The following ANO1 variants were observed in gnomAD, a reference collection of about 807,000 sequenced individuals.
ANO1 encodes the protein anoctamin 1.
In ANO1, 59 loss-of-function variants were observed where a neutral mutation model predicts 124.0. The observed-to-expected ratio is 0.48, with a 90% CI of 0.39 to 0.59. The LOEUF (loss-of-function observed/expected upper bound fraction) is 0.59. ANO1 is among the 20% of genes least tolerant of loss of function. The pLI is 0.00. For synonymous variants in ANO1, 529 were observed against 532.0 expected, an observed-to-expected ratio of 0.99 and a Z score of 0.08; for missense variants, 1,059 against 1,328.0, an observed-to-expected ratio of 0.80 and a Z score of 3.15.
At chr11:69,980,385 A>G in the ANO1 span, among the ~76,000 whole-genome samples, 2 of 152,118 alleles carry the variant, frequency 1.3e-5, no homozygotes, top group African/African-American at 4.8e-5. Flanking sequence ...GCACTTTGGG[A>G]GGTCAAGGCG....
chr11:70,121,369 GTC>G (rs1157524699), intron 8 of ANO1, among the ~76,000 whole-genome samples: 1 of 119,748 alleles, frequency 8.4e-6, no homozygotes, highest in Non-Finnish European at 1.8e-5. Flanking sequence ...CTGTCTCTCT[GTC>G]TCTGTCTCTC....
intron 7 of ANO1, among the ~76,000 whole-genome samples, chr11:70,112,127 T>C (rs1296969958): frequency 6.6e-6 from 1 of 152,190 alleles, no homozygotes; most frequent in African/African-American, 2.4e-5. Flanking sequence ...TGTACGTGTC[T>C]ATTTCTGCAG....
At chr11:69,977,629 C>A in the ANO1 span, among the ~76,000 whole-genome samples, 3 of 152,242 alleles carry the variant, frequency 2.0e-5, no homozygotes, top group African/African-American at 7.2e-5. Context: ...AGATCCAATG[C>A]GTCCTAAGGG....
chr11:70,103,951 T>TG, intron 3 of ANO1, 48 bp from the exon 4 acceptor site: 1 of 1,584,650 alleles, frequency 6.3e-7, no homozygotes, highest in Non-Finnish European at 8.6e-7. Flanking sequence ...CCACGGATCA[T>TG]GGTCCAGCAG....
At chr11:69,987,604 C>CAAAA (rs202001305) in intron 1 of ANO1, among the ~76,000 whole-genome samples, 8 of 109,716 alleles carry the variant, frequency 7.3e-5, no homozygotes, top group African/African-American at 2.6e-4. Flanking sequence ...GACCATGTCT[C>CAAAA]AAAAAAAAAA....
At chr11:70,085,631 G>A (rs2044343500) in intron 1 of ANO1, 2 of 1,533,352 alleles carry the variant, frequency 1.3e-6, no homozygotes, top group South Asian at 1.2e-5. Flanking sequence ...CTAACCAGGG[G>A]TAGAGGAGTC....
Position 70,188,420 on chromosome 11 carries a change from A to G in ANO1, c.*416A>G, listed in dbSNP as rs573473304. ...AATGGTAAGCCGAGGCATCGCGCAA[A>G]AGCTGGTGCGATGCTTCAGGGAAAA... On this transcript the variant is annotated 3_prime_UTR_variant, in exon 26 of 26. Coordinates refer to ENST00000355303, the MANE Select transcript of ANO1 (RefSeq NM_018043.7). The G allele has an allele frequency of 6.1e-6, 1 of 165,180 alleles. No individual in the cohort carries two copies. The highest frequency in any genetic ancestry group is 1.7e-4 in the East Asian group (1 of 5,828). 10.2% of individuals were successfully genotyped at this position (165,180 alleles called of 1,614,324 possible).
At chr11:70,118,657 T>G (rs2046096578) in intron 8 of ANO1, among the ~76,000 whole-genome samples, 1 of 92,238 alleles carries the variant, frequency 1.1e-5, no homozygotes, top group Non-Finnish European at 2.0e-5. Flanking sequence ...GAATAGATGA[T>G]TGATGGGTGG....
intron 2 of ANO1, among the ~76,000 whole-genome samples, chr11:70,098,796 G>A (rs1056960118): frequency 2.0e-5 from 3 of 152,164 alleles, no homozygotes; most frequent in Non-Finnish European, 4.4e-5. Flanking sequence ...TAGGCCCTCG[G>A]GCCACGGGGG....
At chr11:70,092,520 G>T (rs189881644) in intron 2 of ANO1, among the ~76,000 whole-genome samples, 30 of 152,306 alleles carry the variant, frequency 2.0e-4, no homozygotes, top group Admixed American at 1.7e-3. Context: ...CTGCCTTGCT[G>T]CAGGACCCAG....
intron 1 of ANO1, among the ~76,000 whole-genome samples, chr11:70,070,020 A>G (rs1857831776): frequency 6.6e-6 from 1 of 152,192 alleles, no homozygotes. Context: ...AAATGACTTA[A>G]TTAATTTGCT....
intron 1 of ANO1, among the ~76,000 whole-genome samples, chr11:70,045,393 A>T (rs1822968378): frequency 6.6e-6 from 1 of 152,238 alleles, no homozygotes; most frequent in Non-Finnish European, 1.5e-5. Context: ...TGGAACTGCC[A>T]GGATGTTAAG....
At chr11:70,061,591 C>T (rs1437552345) in intron 1 of ANO1, among the ~76,000 whole-genome samples, 1 of 151,376 alleles carries the variant, frequency 6.6e-6, no homozygotes, top group Non-Finnish European at 1.5e-5. Flanking sequence ...CAAGTCCTGT[C>T]TGCCTTGGTT....
At chr11:70,037,880 T>A (rs782808113) in intron 1 of ANO1, among the ~76,000 whole-genome samples, 8 of 152,266 alleles carry the variant, frequency 5.3e-5, no homozygotes, top group Non-Finnish European at 1.0e-4. Flanking sequence ...AAGAAACTTG[T>A]CTATGGTCAC....
At chr11:70,028,631 G>C (rs541476393) in intron 1 of ANO1, among the ~76,000 whole-genome samples, 177 of 152,232 alleles carry the variant, frequency 1.2e-3, no homozygotes, top group Non-Finnish European at 2.4e-3. Context: ...CAGAGCTGAA[G>C]CTTCCCCTCC....
intron 3 of ANO1, among the ~76,000 whole-genome samples, chr11:70,103,446 C>G (rs1046908420): frequency 6.6e-6 from 1 of 152,106 alleles, no homozygotes; most frequent in Admixed American, 6.6e-5. Context: ...CACCTCTCGG[C>G]CCCCGGGGAA....
At chr11:70,153,710 C>T (rs1006112562) in intron 14 of ANO1, among the ~76,000 whole-genome samples, 1 of 152,146 alleles carries the variant, frequency 6.6e-6, no homozygotes, top group African/African-American at 2.4e-5. Context: ...GTCATATGTG[C>T]AGCCAGGACT....
chr11:70,182,318 G>C (rs7112779), intron 23 of ANO1, among the ~76,000 whole-genome samples, 184 bp from the exon 24 acceptor site: 3 of 152,220 alleles, frequency 2.0e-5, no homozygotes, highest in Admixed American at 2.0e-4. Flanking sequence ...AGGGGGCTGA[G>C]AGGAACACCC....
intron 23 of ANO1, among the ~76,000 whole-genome samples, chr11:70,181,089 C>G (rs2048911762): frequency 6.6e-6 from 1 of 152,202 alleles, no homozygotes; most frequent in Non-Finnish European, 1.5e-5. Flanking sequence ...ACTTCAAGCC[C>G]AAGGCTGCAT....
Sources: allele counts gnomAD v4.1 joint callset (sites outside exome capture counted in the v4.1 genomes callset), GRCh38; gene constraint gnomAD v4.1.1; transcripts MANE v1.5; gene names NCBI Gene and HGNC (gene_info 2026-07-23, HGNC 2026-07-21).